Variants in TTC23 observed in about 807,000 individuals in gnomAD.
TTC23 encodes tetratricopeptide repeat protein 23.
TTC23 carries 58 observed loss-of-function variants against 55.1 expected under a neutral mutation model. The observed-to-expected ratio is 1.05, with a 90% CI of 0.85 to 1.31. The LOEUF (loss-of-function observed/expected upper bound fraction) is 1.31. Among genes scored for constraint, TTC23 ranks in the 50% most tolerant of loss-of-function variants. The pLI, the probability that TTC23 is intolerant of heterozygous loss-of-function variation, is 0.00. For synonymous variants in TTC23, 203 were observed against 199.9 expected (o/e 1.02, Z -0.13); for missense variants, 516 against 534.4 (o/e 0.97, Z 0.34).
At chr15:99,227,489 T>C (rs1425209381) in intron 5 of TTC23, among the ~76,000 whole-genome samples, 1 of 152,234 alleles carries the variant, frequency 6.6e-6, no homozygotes, top group Non-Finnish European at 1.5e-5. Context: ...GTTTTACTCT[T>C]TTTTTGTCCA....
At chr15:99,143,152 G>T (rs1403052539) in intron 12 of TTC23, among the ~76,000 whole-genome samples, 1 of 152,134 alleles carries the variant, frequency 6.6e-6, no homozygotes. Flanking sequence ...TGGAAAGAAT[G>T]GTCATCCATT....
Position 99,210,190 on chromosome 15 carries a change from T to C in TTC23, c.581+8398A>G, listed in dbSNP as rs116956317. ...TATTATTTAAATCATTATTCTCATA[T>C]ATTTAGGAAAAGGTACATTATAAGG... On this transcript the variant is annotated intron_variant, in intron 8 of 13. Transcript: ENST00000394132. 2.5e-3 allele frequency among the ~76,000 whole-genome samples: 381 copies of C among 152,252 alleles called. 1 individual carries two copies. In the Middle Eastern group the frequency reaches 0.054, roughly 22 times the overall value.
At chr15:99,175,470 T>C (rs2073439351) in intron 9 of TTC23, among the ~76,000 whole-genome samples, 1 of 152,160 alleles carries the variant, frequency 6.6e-6, no homozygotes, top group African/African-American at 2.4e-5. Context: ...AGTAAAGAGA[T>C]GAATAGAAGG....
intron 13 of TTC23, among the ~76,000 whole-genome samples, chr15:99,138,504 A>G (rs148776114): frequency 0.044 from 6,725 of 152,110 alleles, 196 homozygotes; most frequent in Non-Finnish European, 0.064. Context: ...AGTAGAGACG[A>G]AGTTTTGCCA....
intron 8 of TTC23, among the ~76,000 whole-genome samples, chr15:99,208,193 G>A (rs1456382872): frequency 6.6e-6 from 1 of 151,728 alleles, no homozygotes; most frequent in Non-Finnish European, 1.5e-5. Flanking sequence ...ATACAGATGG[G>A]AAAAAAGGAA....
chr15:99,149,573 C>T (rs1382535381), intron 12 of TTC23, among the ~76,000 whole-genome samples: 1 of 152,238 alleles, frequency 6.6e-6, no homozygotes, highest in East Asian at 1.9e-4. Context: ...GGCCCCTGCC[C>T]CAGAGACTCT....
Position 99,234,987 on chromosome 15 carries a change from C to T in TTC23, c.-21+1G>A, listed in dbSNP as rs1003291484. 3 of 151,794 alleles carry T rather than the reference C, an allele frequency of 2.0e-5. No individual in the cohort carries two copies. The East Asian group carries it at 5.8e-4, about 30-fold the overall frequency. The allele number at this position is 151,794 out of a possible 1,614,324, so 9.4% of individuals were successfully genotyped here. ...ATAAGGCCAAGCATGGTGGCTCATACCTGTAATCCCAGCACTCTGGGAGGT... is the reference window on the plus strand; with the variant it reads ...ATAAGGCCAAGCATGGTGGCTCATATCTGTAATCCCAGCACTCTGGGAGGT... On this transcript the variant is annotated splice_donor_variant, in intron 4 of 13. Transcript: ENST00000394132. LOFTEE classifies it low-confidence loss of function (5UTR_SPLICE).
chr15:99,249,401 T>TG lies in TTC23; in HGVS notation c.-662dup, dbSNP rs1256435842. 1.3e-5 allele frequency: 2 copies of TG among 152,250 alleles called. No individual in the cohort carries two copies. Among genetic ancestry groups the TG allele is most frequent in the Non-Finnish European group, 2.9e-5 (2 of 68,056 alleles). 9.4% of individuals were successfully genotyped at this position (152,250 alleles called of 1,614,324 possible). On this transcript the variant is annotated 5_prime_UTR_variant, in exon 1 of 14. Transcript: ENST00000394132. ...AAATCCCTTGCCAGTTTACCCAGTC[T>TG]GCTGGAGAGGCTCACCGTTTCTTTT...
intron 9 of TTC23, among the ~76,000 whole-genome samples, chr15:99,194,952 A>C (rs2151977754): frequency 6.6e-6 from 1 of 152,302 alleles, no homozygotes; most frequent in East Asian, 1.9e-4. Context: ...AACAAAACAA[A>C]ACAACACTGC....
chr15:99,203,990 C>A (rs1251992250), intron 8 of TTC23, among the ~76,000 whole-genome samples: 5 of 151,944 alleles, frequency 3.3e-5, no homozygotes, highest in Admixed American at 3.3e-4. Flanking sequence ...TACTGATTTC[C>A]TTTTTGGGGG....
intron 10 of TTC23, among the ~76,000 whole-genome samples, chr15:99,167,473 A>G (rs1273294025): frequency 6.6e-6 from 1 of 152,200 alleles, no homozygotes; most frequent in Non-Finnish European, 1.5e-5. Context: ...TCACTCTAAC[A>G]GAATGTTTAG....
At chr15:99,146,946 G>A (rs569792097) in intron 12 of TTC23, among the ~76,000 whole-genome samples, 71 of 152,214 alleles carry the variant, frequency 4.7e-4, no homozygotes, top group Middle Eastern at 3.4e-3. Context: ...ACGGAGTCTC[G>A]CTCTGTTTCC....
intron 4 of TTC23, among the ~76,000 whole-genome samples, chr15:99,232,856 T>C (rs997146731): frequency 5.9e-5 from 9 of 152,214 alleles, no homozygotes; most frequent in African/African-American, 1.9e-4. Context: ...TGCAGCATTA[T>C]TGACAATGAT....
chr15:99,200,920 T>C (rs540616540), intron 8 of TTC23, among the ~76,000 whole-genome samples: 1 of 152,348 alleles, frequency 6.6e-6, no homozygotes, highest in Admixed American at 6.5e-5. Context: ...TCCATATTTA[T>C]TGACACAGAA....
chr15:99,138,081 C>CTT lies in TTC23; in HGVS notation c.1271_1272dup (p.Val425LysfsTer41), dbSNP rs2067736975. 1.2e-6 allele frequency: 2 copies of CTT among 1,613,616 alleles called. No individual in the cohort carries two copies. The highest frequency in any genetic ancestry group is 1.7e-6 in the Non-Finnish European group (2 of 1,179,996). On this transcript the variant is annotated frameshift_variant, in exon 14 of 14. Coordinates refer to ENST00000394132, the MANE Select transcript of TTC23 (RefSeq NM_001288615.3). LOFTEE classifies it high-confidence loss of function. Reference sequence around the variant, plus strand: ...TGAGGGATGCTGGTGCAGAAGGCCACTTTGGCTTTTGATGCCTGCCTTGGC... The same window carrying CTT: ...TGAGGGATGCTGGTGCAGAAGGCCACTTTTTGGCTTTTGATGCCTGCCTTGGC...
intron 8 of TTC23, among the ~76,000 whole-genome samples, chr15:99,213,295 T>C (rs1183707237): frequency 1.3e-5 from 2 of 152,230 alleles, no homozygotes; most frequent in Non-Finnish European, 2.9e-5. Context: ...TTGAAACAAC[T>C]TGGCTAAACA....
chr15:99,197,623 A>C (rs1421120066), intron 9 of TTC23, among the ~76,000 whole-genome samples: 7 of 152,008 alleles, frequency 4.6e-5, no homozygotes, highest in Non-Finnish European at 1.0e-4. Context: ...AAAGGGAGGG[A>C]GGCCAGGCGC....
intron 8 of TTC23, among the ~76,000 whole-genome samples, chr15:99,212,260 ATGTGTGTGTGTG>A (rs35709919): frequency 1.4e-5 from 2 of 146,516 alleles, no homozygotes; most frequent in Non-Finnish European, 3.0e-5. Context: ...TTAAAGAGGG[ATGTGTGTGTGTG>A]TGTGTGTGTG....
chr15:99,186,522 A>C (rs1337752055), intron 9 of TTC23, among the ~76,000 whole-genome samples: 1 of 152,188 alleles, frequency 6.6e-6, no homozygotes, highest in East Asian at 1.9e-4. Context: ...AATCCTTCTA[A>C]CTTAGGGCCA....
Sources: allele counts gnomAD v4.1 joint callset (sites outside exome capture counted in the v4.1 genomes callset), GRCh38; gene constraint gnomAD v4.1.1; transcripts MANE v1.5; gene names NCBI Gene and HGNC (gene_info 2026-07-23, HGNC 2026-07-21).